Variants in TNIK observed in about 807,000 individuals in gnomAD.
The protein encoded by TNIK is TRAF2 and NCK-interacting protein kinase.
A neutral mutation model predicts 191.3 loss-of-function variants in TNIK; 49 were observed. The ratio of observed to expected loss-of-function variants is 0.26; its 90% CI spans 0.20 to 0.32. The LOEUF (loss-of-function observed/expected upper bound fraction) is 0.32, where lower values mean the gene tolerates loss of function less well. Among genes scored for constraint, TNIK ranks in the 10% least tolerant of loss-of-function variants. TNIK has a pLI of 1.00. For synonymous variants in TNIK, 594 were observed against 600.9 expected (o/e 0.99, Z 0.17); for missense variants, 1,155 against 1,702.3 (o/e 0.68, Z 5.66).
At chr3:171,233,033 AG>A (rs1577196611) in intron 2 of TNIK, among the ~76,000 whole-genome samples, 2 of 152,220 alleles carry the variant, frequency 1.3e-5, no homozygotes, top group East Asian at 3.8e-4. Context: ...TTTCATTTCT[AG>A]GTCACCCACA....
At chr3:171,403,616 A>G (rs1721262187) in intron 1 of TNIK, among the ~76,000 whole-genome samples, 1 of 112,674 alleles carries the variant, frequency 8.9e-6, no homozygotes, top group Non-Finnish European at 2.1e-5. Context: ...CGTATCAAAA[A>G]AAAAAAAAAA....
At chr3:171,302,320 C>A (rs1264145829) in intron 2 of TNIK, among the ~76,000 whole-genome samples, 1 of 142,788 alleles carries the variant, frequency 7.0e-6, no homozygotes, top group Non-Finnish European at 1.6e-5. Context: ...CTTCAACTGC[C>A]ACACTCAAAG....
chr3:171,113,283 G>A (rs4955765), intron 18 of TNIK, among the ~76,000 whole-genome samples: 60,712 of 151,820 alleles, frequency 0.4, 14,623 homozygotes, highest in Non-Finnish European at 0.54. Flanking sequence ...TATTACCGAC[G>A]GGTAGACGAT....
At position 171,145,337 on chromosome 3, in the gene TNIK, C is replaced by T. The variant is rs967095731; in HGVS notation, c.1222-4828G>A. On this transcript the variant is annotated intron_variant, in intron 12 of 32. Coordinates refer to ENST00000436636, the MANE Select transcript of TNIK (RefSeq NM_015028.4). ...TCCTGACCTCATGATCCGCCCGCCTCGGCCTCCCAAAGTGCTGGGATTACA... is the reference window on the plus strand; with the variant it reads ...TCCTGACCTCATGATCCGCCCGCCTTGGCCTCCCAAAGTGCTGGGATTACA... Among the ~76,000 whole-genome samples, 14 of 152,184 alleles carry T rather than the reference C, an allele frequency of 9.2e-5. No homozygotes were observed. In the South Asian group the frequency reaches 2.7e-3, roughly 29 times the overall value.
At chr3:171,151,787 C>G (rs920348095) in intron 12 of TNIK, among the ~76,000 whole-genome samples, 1 of 152,198 alleles carries the variant, frequency 6.6e-6, no homozygotes, top group Non-Finnish European at 1.5e-5. Context: ...AATATGCTGT[C>G]CTGCACTGTG....
At chr3:171,167,051 T>A (rs1734705609) in intron 10 of TNIK, 44 bp downstream of exon 10, 1 of 1,588,466 alleles carries the variant, frequency 6.3e-7, no homozygotes, top group Non-Finnish European at 8.6e-7. Flanking sequence ...CATGATTCAC[T>A]CCATCTTTTG....
At chr3:171,143,158 C>CA (rs1731082348) in intron 12 of TNIK, among the ~76,000 whole-genome samples, 1 of 152,180 alleles carries the variant, frequency 6.6e-6, no homozygotes, top group African/African-American at 2.4e-5. Context: ...AGGCATCTGC[C>CA]AGGGCTTTGG....
At chr3:171,126,661 C>T (rs549711672) in intron 16 of TNIK, among the ~76,000 whole-genome samples, 2 of 152,262 alleles carry the variant, frequency 1.3e-5, no homozygotes, top group East Asian at 3.9e-4. Context: ...TTTAGCAATA[C>T]CCTAGATTGC....
chr3:171,063,816 C>T lies in TNIK; in HGVS notation c.*65G>A. 1.9e-6 allele frequency: 3 copies of T among 1,539,342 alleles called. No homozygotes were observed. The South Asian group carries it at 3.5e-5, about 18-fold the overall frequency. On this transcript the variant is annotated 3_prime_UTR_variant, in exon 33 of 33. Coordinates refer to ENST00000436636, the MANE Select transcript of TNIK (RefSeq NM_015028.4). ...TTCTGCCTCTAGACTGGCATAAGTCCACATGAGTTATGTTCTTTTAAATTA... is the reference window on the plus strand; with the variant it reads ...TTCTGCCTCTAGACTGGCATAAGTCTACATGAGTTATGTTCTTTTAAATTA...
intron 2 of TNIK, among the ~76,000 whole-genome samples, chr3:171,263,514 A>C (rs545150358): frequency 1.3e-5 from 2 of 152,190 alleles, no homozygotes; most frequent in Non-Finnish European, 2.9e-5. Context: ...CTTTTAAAAA[A>C]TCTCCATTTA....
At chr3:171,166,413 A>T (rs982553608) in intron 10 of TNIK, among the ~76,000 whole-genome samples, 4 of 152,186 alleles carry the variant, frequency 2.6e-5, no homozygotes, top group Admixed American at 1.3e-4. Flanking sequence ...GTAAGCTTCC[A>T]TTCAAAAAGG....
At chr3:171,064,183 G>A in intron 32 of TNIK, 1 of 504,850 alleles carries the variant, frequency 2.0e-6, no homozygotes, top group South Asian at 2.6e-5. Flanking sequence ...TGTGGTATTG[G>A]TCTCCAGAGA....
intron 2 of TNIK, among the ~76,000 whole-genome samples, chr3:171,312,447 T>C (rs1019664789): frequency 1.3e-5 from 2 of 152,100 alleles, no homozygotes; most frequent in African/African-American, 4.8e-5. Flanking sequence ...TTAGAATAAC[T>C]GCCCTCCGTT....
At chr3:171,257,125 T>G (rs1163159769) in intron 2 of TNIK, among the ~76,000 whole-genome samples, 1 of 152,140 alleles carries the variant, frequency 6.6e-6, no homozygotes, top group Non-Finnish European at 1.5e-5. Context: ...TGGGCCCATT[T>G]CATCTCAAAA....
chr3:171,100,768 A>G (rs1576804558), intron 22 of TNIK, among the ~76,000 whole-genome samples: 2 of 151,032 alleles, frequency 1.3e-5, no homozygotes, highest in East Asian at 3.9e-4. Context: ...AAAAAGAAAA[A>G]GGCTACAATT....
chr3:171,124,486 A>G (rs1728200908), intron 17 of TNIK, among the ~76,000 whole-genome samples: 2 of 152,224 alleles, frequency 1.3e-5, no homozygotes, highest in African/African-American at 4.8e-5. Context: ...TAAAACAGAC[A>G]TTTTAAAATG....
rs1307007885 is a variant in TNIK at position 171,414,266 on chromosome 3, C to T, written c.58-44581G>A. Among the ~76,000 whole-genome samples the T allele has an allele frequency of 2.0e-5, 3 of 152,206 alleles. No individual in the cohort carries two copies. The South Asian group carries it at 6.2e-4, about 32-fold the overall frequency. On this transcript the variant is annotated intron_variant, in intron 1 of 32. Coordinates refer to ENST00000436636, the MANE Select transcript of TNIK (RefSeq NM_015028.4). ...GCTTTAAATGGGAATGAAAAGTGATCATTCCCTTAGTTCAGATATGCTGGT... is the reference window on the plus strand; with the variant it reads ...GCTTTAAATGGGAATGAAAAGTGATTATTCCCTTAGTTCAGATATGCTGGT...
intron 12 of TNIK, among the ~76,000 whole-genome samples, chr3:171,156,217 A>C (rs552910631): frequency 6.6e-6 from 1 of 152,312 alleles, no homozygotes; most frequent in African/African-American, 2.4e-5. Flanking sequence ...AATAATTGTA[A>C]CCATTGGGTA....
intron 12 of TNIK, among the ~76,000 whole-genome samples, chr3:171,141,292 G>A (rs904054422): frequency 4.6e-5 from 7 of 152,146 alleles, no homozygotes; most frequent in African/African-American, 1.7e-4. Context: ...AGAAAACTGA[G>A]GTACGGAGAG....
Sources: gnomAD v4.1 joint callset for allele counts (sites outside exome capture counted in the v4.1 genomes callset) on GRCh38, gnomAD v4.1.1 for gene constraint, MANE v1.5 for transcripts, NCBI Gene and HGNC (gene_info 2026-07-23, HGNC 2026-07-21) for gene names.